The following FAM171A1 variants were observed in gnomAD, a reference collection of about 807,000 sequenced individuals.
The protein encoded by FAM171A1 is family with sequence similarity 171 member A1.
A neutral mutation model predicts 74.9 loss-of-function variants in FAM171A1; 23 were observed. The observed-to-expected ratio is 0.31, with a 90% CI of 0.22 to 0.44. The LOEUF (loss-of-function observed/expected upper bound fraction) is 0.44. FAM171A1 is among the 20% of genes least tolerant of loss of function. The pLI is 1.00. For synonymous variants in FAM171A1, 527 were observed against 505.7 expected, an observed-to-expected ratio of 1.04 and a Z score of -0.57; for missense variants, 1,162 against 1,159.2, an observed-to-expected ratio of 1.00 and a Z score of -0.03.
At chr10:15,352,792 C>T (rs1330337026) in intron 1 of FAM171A1, among the ~76,000 whole-genome samples, 4 of 152,268 alleles carry the variant, frequency 2.6e-5, no homozygotes, top group African/African-American at 9.6e-5. Context: ...TTCGCTCTGC[C>T]AAGAGGTGAA....
intron 1 of FAM171A1, among the ~76,000 whole-genome samples, chr10:15,320,498 C>T (rs1835474228): frequency 6.6e-6 from 1 of 152,182 alleles, no homozygotes; most frequent in Non-Finnish European, 1.5e-5. Flanking sequence ...ATGGGATTGC[C>T]AGGTCGAATG....
At chr10:15,233,552 GTGTGCA>G (rs1564617984) in intron 5 of FAM171A1, among the ~76,000 whole-genome samples, 1 of 151,432 alleles carries the variant, frequency 6.6e-6, no homozygotes, top group Non-Finnish European at 1.5e-5. Context: ...GTGTGTGTGT[GTGTGCA>G]TGTGTGTGCG....
chr10:15,349,201 C>T (rs945839742), intron 1 of FAM171A1, among the ~76,000 whole-genome samples: 3 of 152,128 alleles, frequency 2.0e-5, no homozygotes, highest in African/African-American at 7.2e-5. Flanking sequence ...AGAAAGGCGC[C>T]CTAGAAAATA....
At position 15,214,306 on chromosome 10, in the gene FAM171A1, G is replaced by A. The variant is rs767552901; in HGVS notation, c.1282C>T (p.Arg428Trp). ...TCCTTGCAAGAGAGGAGCTCCTCCC[G>A]GGAGCTAAATTCCTGGGAGGTGCTG... ...SYSTSQEFSS[R>W]EELLSCKEED... Residue 428 changes from arginine (R) to tryptophan (W), a missense_variant, in exon 8 of 8, where the codon CGG (arginine) becomes TGG (tryptophan). Coordinates refer to ENST00000378116, the MANE Select transcript of FAM171A1 (RefSeq NM_001010924.2). 8 of 1,613,028 alleles carry A rather than the reference G, an allele frequency of 5.0e-6. No individual in the cohort carries two copies. The highest frequency in any genetic ancestry group is 1.6e-4 in the Middle Eastern group (1 of 6,076).
chr10:15,228,514 T>C lies in FAM171A1; in HGVS notation c.755-7454A>G, dbSNP rs917478105. Among the ~76,000 whole-genome samples, 7 of 152,046 alleles carry C rather than the reference T, an allele frequency of 4.6e-5. 1 individual carries two copies. The South Asian group carries it at 1.5e-3, about 32-fold the overall frequency. On this transcript the variant is annotated intron_variant, in intron 5 of 7. Coordinates refer to ENST00000378116, the MANE Select transcript of FAM171A1 (RefSeq NM_001010924.2). ...TGCACCACCACATCTGGCTGATTTT[T>C]GTATTTTTTAGTAGAGATGGGGTTT...
intron 1 of FAM171A1, among the ~76,000 whole-genome samples, chr10:15,342,537 C>A (rs2131871372): frequency 6.6e-6 from 1 of 152,264 alleles, no homozygotes; most frequent in Admixed American, 6.5e-5. Context: ...CACTGCACTC[C>A]AGCCTGGGCG....
At chr10:15,291,734 C>T (rs1177358365) in intron 1 of FAM171A1, among the ~76,000 whole-genome samples, 7 of 152,122 alleles carry the variant, frequency 4.6e-5, no homozygotes, top group African/African-American at 1.4e-4. Context: ...CCTGCCCTCA[C>T]TTGCTAAACT....
chr10:15,245,816 T>C (rs1204988661), intron 5 of FAM171A1, among the ~76,000 whole-genome samples: 3 of 152,218 alleles, frequency 2.0e-5, no homozygotes. Flanking sequence ...TTCATATCTC[T>C]TACAAATGCA....
At chr10:15,340,923 G>A (rs1270327590) in intron 1 of FAM171A1, among the ~76,000 whole-genome samples, 3 of 152,130 alleles carry the variant, frequency 2.0e-5, no homozygotes, top group Admixed American at 6.5e-5. Context: ...GGAGGGTGGG[G>A]AGGGCATGGG....
chr10:15,268,172 G>A (rs879528279), intron 3 of FAM171A1, among the ~76,000 whole-genome samples: 1 of 152,200 alleles, frequency 6.6e-6, no homozygotes, highest in Non-Finnish European at 1.5e-5. Context: ...AGGGCCAGGG[G>A]ATTGTCCAGC....
intron 1 of FAM171A1, among the ~76,000 whole-genome samples, chr10:15,330,616 G>A (rs1337126407): frequency 6.6e-6 from 1 of 151,778 alleles, no homozygotes; most frequent in Non-Finnish European, 1.5e-5. Flanking sequence ...TTACCCACAG[G>A]CAGCCTCTTA....
chr10:15,223,927 A>AC (rs1215344900), intron 5 of FAM171A1, among the ~76,000 whole-genome samples: 384 of 152,250 alleles, frequency 2.5e-3, no homozygotes, highest in African/African-American at 9.0e-3. Flanking sequence ...ACAAAACAAA[A>AC]AAAACCCCTC....
At chr10:15,342,367 C>T (rs905797295) in intron 1 of FAM171A1, among the ~76,000 whole-genome samples, 1 of 152,098 alleles carries the variant, frequency 6.6e-6, no homozygotes, top group African/African-American at 2.4e-5. Context: ...GTCAGGAGTT[C>T]GAGACCAGCC....
chr10:15,230,064 T>C (rs1193249215), intron 5 of FAM171A1, among the ~76,000 whole-genome samples: 2 of 152,250 alleles, frequency 1.3e-5, no homozygotes, highest in African/African-American at 4.8e-5. Flanking sequence ...TCCTACCAAC[T>C]GTATATATAG....
At chr10:15,368,247 A>C (rs1836090600) in intron 1 of FAM171A1, among the ~76,000 whole-genome samples, 1 of 152,240 alleles carries the variant, frequency 6.6e-6, no homozygotes, top group Admixed American at 6.5e-5. Context: ...AGAGAGTCTG[A>C]AGCCAAGCCT....
At chr10:15,310,477 C>A (rs77917994) in intron 1 of FAM171A1, among the ~76,000 whole-genome samples, 1,859 of 152,204 alleles carry the variant, frequency 0.012, 38 homozygotes, top group African/African-American at 0.042. Context: ...CCAACCTGGC[C>A]CCTCTCCCAC....
At chr10:15,366,500 G>A (rs74124830) in intron 1 of FAM171A1, among the ~76,000 whole-genome samples, 3,149 of 152,208 alleles carry the variant, frequency 0.021, 109 homozygotes, top group African/African-American at 0.072. Context: ...TAAAACTGCC[G>A]TCTTTATGAG....
intron 5 of FAM171A1, among the ~76,000 whole-genome samples, chr10:15,231,309 T>C (rs1834202384): frequency 6.6e-6 from 1 of 152,012 alleles, no homozygotes; most frequent in Non-Finnish European, 1.5e-5. Flanking sequence ...GCTCAAGTGA[T>C]CTTCCCACCT....
In FAM171A1 at chr10:15,221,139, C is replaced by T; in HGVS notation, c.755-79G>A. ...GGCTTGAGCATATTGTAAAAGTCATCTTAAATATCTTAAATGTCATGTTTA... is the reference window on the plus strand; with the variant it reads ...GGCTTGAGCATATTGTAAAAGTCATTTTAAATATCTTAAATGTCATGTTTA... On this transcript the variant is annotated intron_variant, in intron 5 of 7. Coordinates refer to ENST00000378116, the MANE Select transcript of FAM171A1 (RefSeq NM_001010924.2). 8 of 1,147,860 alleles carry T rather than the reference C, an allele frequency of 7.0e-6. No individual in the cohort carries two copies. In the South Asian group the frequency reaches 1.1e-4, roughly 16 times the overall value. 71.1% of individuals were successfully genotyped at this position (1,147,860 alleles called of 1,614,324 possible). A position where few individuals can be genotyped will look rare whatever the true frequency, so the allele number is the denominator to read the frequency against.
Sources: gnomAD v4.1 joint callset for allele counts (sites outside exome capture counted in the v4.1 genomes callset) on GRCh38, gnomAD v4.1.1 for gene constraint, MANE v1.5 for transcripts, NCBI Gene and HGNC (gene_info 2026-07-23, HGNC 2026-07-21) for gene names.